The following SHE variants were observed in gnomAD, a reference collection of about 807,000 sequenced individuals.
SHE encodes the protein Src homology 2 domain containing E, also known as SH2 domain-containing adapter protein E.
Under a neutral mutation model 49.8 loss-of-function variants are expected in SHE, and 11 were observed. The ratio of observed to expected loss-of-function variants is 0.22; its 90% confidence interval spans 0.14 to 0.37. The LOEUF (loss-of-function observed/expected upper bound fraction) is 0.37, where lower values mean the gene tolerates loss of function less well. Among genes scored for constraint, SHE ranks in the 10% least tolerant of loss-of-function variants. The pLI is 1.00. For synonymous variants in SHE, 310 were observed against 278.1 expected (o/e 1.11, Z -1.14); for missense variants, 624 against 655.5 (o/e 0.95, Z 0.52).
rs541867589 is a variant in SHE, at chr1:154,500,511, G to A, written c.591+925C>T. On this transcript the variant is annotated intron_variant, in intron 1 of 5. Transcript: ENST00000304760. ...CAACCAGGGAGGTAGCATGTTTGAA[G>A]CCTGGGCAAGAGAAAATTAAAGCTC... Among the ~76,000 whole-genome samples, 269 of 152,318 alleles carry A rather than the reference G, an allele frequency of 1.8e-3. 2 individuals carry two copies. The highest frequency in any genetic ancestry group is 5.7e-3 in the African/African-American group (237 of 41,554).
At position 154,501,903 on chromosome 1, in the gene SHE, A is replaced by G; in HGVS notation, c.124T>C (p.Phe42Leu). The G allele has an allele frequency of 6.6e-7, 1 of 1,510,614 alleles. No homozygotes were observed. Among genetic ancestry groups the G allele is most frequent in the East Asian group, 2.6e-5 (1 of 38,920 alleles). 93.6% of individuals were successfully genotyped at this position (1,510,614 alleles called of 1,614,324 possible). ...TTCAGGTTCAGGGGGAACTCCTTGAACCACTTGGCCGCCATGAGGGGGCCC... is the reference window on the plus strand; with the variant it reads ...TTCAGGTTCAGGGGGAACTCCTTGAGCCACTTGGCCGCCATGAGGGGGCCC... The part of the protein sequence containing the change: ...GRGPLMAAKW[F>L]KEFPLNLKTV... Residue 42 changes from phenylalanine to leucine, a missense_variant, in exon 1 of 6, where the codon TTC becomes CTC. Transcript: ENST00000304760.
chr1:154,502,049 G>A lies in SHE; in HGVS notation c.-23C>T, dbSNP rs1692798385. On this transcript the variant is annotated 5_prime_UTR_variant, in exon 1 of 6. Coordinates refer to ENST00000304760, the MANE Select transcript of SHE (RefSeq NM_001010846.3). ...CATTCCCCGTGACTGGGGCGCTGGA[G>A]GCCGCGGCGAGGCCCCGCGACGGCT... 5 of 1,270,700 alleles carry A rather than the reference G, an allele frequency of 3.9e-6. No homozygotes were observed. The highest frequency in any genetic ancestry group is 4.0e-6 in the Non-Finnish European group (4 of 1,012,004). The allele number at this position is 1,270,700 out of a possible 1,614,324, so 78.7% of individuals were successfully genotyped here.
In SHE at chr1:154,489,365, C is replaced by T; in HGVS notation, c.719-9G>A. 6.2e-7 allele frequency: 1 copy of T among 1,609,216 alleles called. No individual in the cohort carries two copies. Among genetic ancestry groups the T allele is most frequent in the Non-Finnish European group, 8.5e-7 (1 of 1,177,634 alleles). ...ACCCCGTCGTCTAATTTCTGAAAAA[C>T]ACACACCATTTCTGAAAAACACACA... is the stretch of plus-strand genomic sequence containing the variant. On this transcript the variant is annotated splice_polypyrimidine_tract_variant and intron_variant, in intron 2 of 5. Coordinates refer to ENST00000304760, the MANE Select transcript of SHE (RefSeq NM_001010846.3).
intron 2 of SHE, among the ~76,000 whole-genome samples, chr1:154,491,332 A>G (rs1408630828): frequency 1.3e-5 from 2 of 152,126 alleles, no homozygotes; most frequent in Non-Finnish European, 2.9e-5. Context: ...ACCCTGCCCC[A>G]TCTCCCCATA....
intron 2 of SHE, among the ~76,000 whole-genome samples, chr1:154,492,394 T>C (rs1692394481): frequency 6.6e-6 from 1 of 152,154 alleles, no homozygotes; most frequent in African/African-American, 2.4e-5. Flanking sequence ...CCATCTTGGT[T>C]CCTCATTCTC....
At chr1:154,488,073 G>C (rs1453145026) in intron 3 of SHE, among the ~76,000 whole-genome samples, 1 of 150,824 alleles carries the variant, frequency 6.6e-6, no homozygotes, top group Non-Finnish European at 1.5e-5. Context: ...TCGAGCTGTA[G>C]CTGGGACTAC....
downstream of SHE, among the ~76,000 whole-genome samples, chr1:154,474,510 T>C (rs1691829077): frequency 6.6e-6 from 1 of 152,158 alleles, no homozygotes; most frequent in Non-Finnish European, 1.5e-5. Context: ...GCTTTATTTA[T>C]TTATTTATTA....
Position 154,502,131 on chromosome 1 carries a change from G to T in SHE, c.-105C>A, listed in dbSNP as rs1692803926. 3.2e-6 allele frequency: 3 copies of T among 947,866 alleles called. No homozygotes were observed. Among genetic ancestry groups the T allele is most frequent in the Admixed American group, 4.6e-5 (1 of 21,696 alleles). The allele number at this position is 947,866 out of a possible 1,614,324, so 58.7% of individuals were successfully genotyped here. A position where few individuals can be genotyped will look rare whatever the true frequency, so the allele number is the denominator to read the frequency against. Reference sequence around the variant, plus strand: ...CGCCCGGCAGGGTGGGGTTCTCACGGCTCGGGGCGCCGAGCGGGCGGGCGC... The same window carrying T: ...CGCCCGGCAGGGTGGGGTTCTCACGTCTCGGGGCGCCGAGCGGGCGGGCGC... On this transcript the variant is annotated 5_prime_UTR_variant, in exon 1 of 6. Coordinates refer to ENST00000304760, the MANE Select transcript of SHE (RefSeq NM_001010846.3).
intron 2 of SHE, among the ~76,000 whole-genome samples, chr1:154,493,620 G>T (rs1467647739): frequency 6.6e-6 from 1 of 152,142 alleles, no homozygotes; most frequent in African/African-American, 2.4e-5. Context: ...CATTATAGGG[G>T]CCCAAAATTT....
At position 154,483,425 on chromosome 1, in the gene SHE, C is replaced by T. The variant is rs535124186; in HGVS notation, c.*724G>A. ...CCCAATAACGAGTCCAATATAACAT[C>T]CTCTTCCAGTCTGCACCATCATGTG... On this transcript the variant is annotated 3_prime_UTR_variant, in exon 6 of 6. Transcript: ENST00000304760. The T allele has an allele frequency of 3.1e-4, 302 of 985,362 alleles. No homozygotes were observed. In the African/African-American group the frequency reaches 4.9e-3, roughly 16 times the overall value. 61.0% of individuals were successfully genotyped at this position (985,362 alleles called of 1,614,324 possible). A position where few individuals can be genotyped will look rare whatever the true frequency, so the allele number is the denominator to read the frequency against.
In SHE at chr1:154,501,629, C is replaced by T. The variant is rs774084764; in HGVS notation, c.398G>A (p.Gly133Asp). 6.2e-7 allele frequency: 1 copy of T among 1,614,156 alleles called. No individual in the cohort carries two copies. Among genetic ancestry groups the T allele is most frequent in the South Asian group, 1.1e-5 (1 of 91,080 alleles). Reference protein sequence around the residue: ...SRATEEEPHRGATKSSGCSTY... With the variant: ...SRATEEEPHRDATKSSGCSTY... ...GCTGCAGCCCGAGCTCTTGGTTGCA[C>T]CCCGGTGGGGCTCCTCCTCCGTGGC... The change falls in exon 1 of 6, where the codon GGT (glycine) becomes GAT (aspartate). Residue 133 changes from glycine (G) to aspartate (D), a missense_variant. Coordinates refer to ENST00000304760, the MANE Select transcript of SHE (RefSeq NM_001010846.3).
chr1:154,494,782 A>G (rs1692473280), intron 2 of SHE, among the ~76,000 whole-genome samples: 1 of 152,186 alleles, frequency 6.6e-6, no homozygotes. Flanking sequence ...ACGGTGGCTC[A>G]CTTTGTGGCT....
chr1:154,473,289 TGA>T, intron 1 of SHE, among the ~76,000 whole-genome samples: 1 of 151,894 alleles, frequency 6.6e-6, no homozygotes, highest in Non-Finnish European at 1.5e-5. Flanking sequence ...TGTGAGCCAC[TGA>T]GCCCAGCTCT....
At chr1:154,501,056 T>C (rs1387486162) in intron 1 of SHE, among the ~76,000 whole-genome samples, 2 of 152,220 alleles carry the variant, frequency 1.3e-5, no homozygotes, top group African/African-American at 4.8e-5. Context: ...CCATTCCTTA[T>C]GCTCAAGAAG....
downstream of SHE, among the ~76,000 whole-genome samples, chr1:154,475,118 G>A (rs553535262): frequency 6.6e-6 from 1 of 152,326 alleles, no homozygotes; most frequent in South Asian, 2.1e-4. Flanking sequence ...GTACAGGGGA[G>A]GGCTGAGGGC....
Position 154,486,834 on chromosome 1 carries a change from A to G in SHE, c.1025-151T>C, listed in dbSNP as rs2149292223. On this transcript the variant is annotated intron_variant, in intron 3 of 5. Transcript: ENST00000304760. ...TAATATACTGCAAAATACCCTGGCT[A>G]GCTGAGCTCCTGCTGTCTTTGATAT... 3 of 797,106 alleles carry G rather than the reference A, an allele frequency of 3.8e-6. No homozygotes were observed. In the South Asian group the frequency reaches 6.0e-5, roughly 16 times the overall value. The allele number at this position is 797,106 out of a possible 1,614,324, so 49.4% of individuals were successfully genotyped here.
chr1:154,491,308 A>C (rs115306743), intron 2 of SHE, among the ~76,000 whole-genome samples: 1,810 of 152,156 alleles, frequency 0.012, 22 homozygotes, highest in Middle Eastern at 0.027. Flanking sequence ...CTTTCTCCCC[A>C]ATTTCTCAAC....
At chr1:154,477,535 A>T (rs1374427493), downstream of SHE, among the ~76,000 whole-genome samples, 1 of 152,198 alleles carries the variant, frequency 6.6e-6, no homozygotes, top group Non-Finnish European at 1.5e-5. Context: ...TGTGCAGTTC[A>T]GCAGTGTTAA....
At chr1:154,486,708 T>A in intron 3 of SHE, 25 bp from the exon 4 acceptor site, 1 of 1,613,136 alleles carries the variant, frequency 6.2e-7, no homozygotes, top group Non-Finnish European at 8.5e-7. Flanking sequence ...CCATTTAACA[T>A]CACAGGCCAC....
Sources: allele counts gnomAD v4.1 joint callset (sites outside exome capture counted in the v4.1 genomes callset), GRCh38; gene constraint gnomAD v4.1.1; transcripts MANE v1.5; gene names NCBI Gene and HGNC (gene_info 2026-07-23, HGNC 2026-07-21).